The following SNN variants were observed in gnomAD, a reference collection of about 807,000 sequenced individuals.
The protein encoded by SNN is stannin.
SNN carries 5 observed loss-of-function variants against 5.3 expected under a neutral mutation model. The observed-to-expected ratio is 0.94, with a 90% CI of 0.49 to 1.97. The LOEUF (loss-of-function observed/expected upper bound fraction) is 1.97, where lower values mean the gene tolerates loss of function less well. SNN is among the 30% of genes most tolerant of loss of function. The pLI, the probability that SNN is intolerant of heterozygous loss-of-function variation, is 0.01. For synonymous variants in SNN, 67 were observed against 52.1 expected (o/e 1.29, Z -1.24); for missense variants, 127 against 121.6 (o/e 1.04, Z -0.21).
At chr16:11,673,536 G>A (rs8191300) in intron 1 of SNN, among the ~76,000 whole-genome samples, 3 of 152,174 alleles carry the variant, frequency 2.0e-5, no homozygotes, top group Admixed American at 6.5e-5. Context: ...CCCTGTGCAC[G>A]ATAGGTGCCA....
At position 11,678,510 on chromosome 16, in the gene SNN, T is replaced by G. The variant is rs921852152; in HGVS notation, c.*2184T>G. ...TGGCCTGGGGTTTTGACCTTGCCAG[T>G]GAAGTTTCGGTTTTGAAGTGATTAA... On this transcript the variant is annotated 3_prime_UTR_variant, in exon 2 of 2. Transcript: ENST00000329565. The G allele has an allele frequency of 1.8e-5, 3 of 167,108 alleles. No individual in the cohort carries two copies. Among genetic ancestry groups the G allele is most frequent in the Admixed American group, 1.3e-4 (2 of 15,280 alleles). 10.4% of individuals were successfully genotyped at this position (167,108 alleles called of 1,614,324 possible).
chr16:11,674,973 G>A lies in SNN; in HGVS notation c.-85-1002G>A, dbSNP rs8191317. On this transcript the variant is annotated intron_variant, in intron 1 of 1. Transcript: ENST00000329565. ...TCTGTCTCACCCTCCCTGCCTCCCC[G>A]AAGCTTTCCCAAGTGCCTGTCTCCA... Among the ~76,000 whole-genome samples, 312 of 152,216 alleles carry A rather than the reference G, an allele frequency of 2.0e-3. 2 individuals carry two copies. The highest frequency in any genetic ancestry group is 7.0e-3 in the African/African-American group (289 of 41,524).
chr16:11,675,258 CTTTTTTTT>C (rs769141223), intron 1 of SNN, among the ~76,000 whole-genome samples: 3 of 125,312 alleles, frequency 2.4e-5, no homozygotes, highest in African/African-American at 5.9e-5. Flanking sequence ...TTTTTTTTTT[CTTTTTTTT>C]TTTTTTTTTT....
chr16:11,672,627 G>T lies in SNN; in HGVS notation c.-85-3348G>T, dbSNP rs2050272907. Reference sequence around the variant, plus strand: ...CATTTGCTGAGTGAATGAAGGAACAGATACGCACTCGGGAGGGCCGGACCA... The same window carrying T: ...CATTTGCTGAGTGAATGAAGGAACATATACGCACTCGGGAGGGCCGGACCA... On this transcript the variant is annotated intron_variant, in intron 1 of 1. Transcript: ENST00000329565. This position sits in a 1 kb window ranked among gnomAD's most constrained non-coding sequence, Gnocchi z 6.0. Among the ~76,000 whole-genome samples, 1 of 152,218 alleles carries T rather than the reference G, an allele frequency of 6.6e-6. No individual in the cohort carries two copies. Among genetic ancestry groups the T allele is most frequent in the African/African-American group, 2.4e-5 (1 of 41,454 alleles).
chr16:11,673,754 G>A (rs769269002), intron 1 of SNN, among the ~76,000 whole-genome samples: 5 of 152,196 alleles, frequency 3.3e-5, no homozygotes, highest in African/African-American at 4.8e-5. Context: ...GGTTCGTTGC[G>A]GGGGTCAGCG....
At chr16:11,670,940 C>T (rs2050262556) in intron 1 of SNN, among the ~76,000 whole-genome samples, 1 of 152,152 alleles carries the variant, frequency 6.6e-6, no homozygotes, top group Non-Finnish European at 1.5e-5. Context: ...CCGGCTCTGC[C>T]CCCATGCTCC....
intron 1 of SNN, among the ~76,000 whole-genome samples, chr16:11,669,622 T>A (rs1283552785): frequency 6.6e-6 from 1 of 152,248 alleles, no homozygotes; most frequent in African/African-American, 2.4e-5. Context: ...GTGAGCTGTT[T>A]ATCTCAGTGT....
rs904095503 is a variant in SNN at position 11,678,887 on chromosome 16, C to T, written c.*2561C>T. 1 of 326,798 alleles carries T rather than the reference C, an allele frequency of 3.1e-6. No individual in the cohort carries two copies. The allele number at this position is 326,798 out of a possible 1,614,324, so 20.2% of individuals were successfully genotyped here. A position where few individuals can be genotyped will look rare whatever the true frequency, so the allele number is the denominator to read the frequency against. ...AATAAGAAATTAAGCATTCATCCTTCGTATCACTGCAGAAGCAACAGTGGG... is the reference window on the plus strand; with the variant it reads ...AATAAGAAATTAAGCATTCATCCTTTGTATCACTGCAGAAGCAACAGTGGG... On this transcript the variant is annotated 3_prime_UTR_variant, in exon 2 of 2. Coordinates refer to ENST00000329565, the MANE Select transcript of SNN (RefSeq NM_003498.6).
chr16:11,676,305 C>T lies in SNN; in HGVS notation c.246C>T (p.Asn82=), dbSNP rs770903989. The change falls in exon 2 of 2, where the codon AAC becomes AAT. Residue 82 remains asparagine, a synonymous_variant. Coordinates refer to ENST00000329565, the MANE Select transcript of SNN (RefSeq NM_003498.6). ...VERKAKLMTP[N]GPEVHG Reference sequence around the variant, plus strand: ...GAAAGGCCAAGCTGATGACTCCCAACGGCCCGGAAGTCCACGGCTGAGCCA... The same window carrying T: ...GAAAGGCCAAGCTGATGACTCCCAATGGCCCGGAAGTCCACGGCTGAGCCA... 29 of 1,613,722 alleles carry T rather than the reference C, an allele frequency of 1.8e-5. No individual in the cohort carries two copies. Among genetic ancestry groups the T allele is most frequent in the Non-Finnish European group, 2.2e-5 (26 of 1,179,764 alleles).
intron 1 of SNN, among the ~76,000 whole-genome samples, chr16:11,674,786 G>A (rs1031582563): frequency 1.3e-5 from 2 of 152,150 alleles, no homozygotes; most frequent in Non-Finnish European, 1.5e-5. Flanking sequence ...CATCAGCACC[G>A]CCTCCCTGCC....
In SNN at chr16:11,676,085, C is replaced by A; in HGVS notation, c.26C>A (p.Thr9Asn). ...ATGTCTATTATGGACCACAGCCCCA[C>A]CACGGGCGTGGTCACAGTCATCGTC... MSIMDHSP[T>N]TGVVTVIVIL... The change falls in exon 2 of 2, where the codon ACC becomes AAC. Residue 9 changes from threonine (T) to asparagine (N), a missense_variant. Physicochemically the swap from Thr to Asn is moderately conservative, Grantham distance 65. Transcript: ENST00000329565. 1 of 1,611,130 alleles carries A rather than the reference C, an allele frequency of 6.2e-7. No homozygotes were observed. The highest frequency in any genetic ancestry group is 8.5e-7 in the Non-Finnish European group (1 of 1,177,940).
intron 1 of SNN, among the ~76,000 whole-genome samples, chr16:11,670,287 C>T (rs894320238): frequency 1.3e-5 from 2 of 152,078 alleles, no homozygotes; most frequent in African/African-American, 2.4e-5. Flanking sequence ...GCCCTCCTGG[C>T]GTCTGTCAAG....
rs1207907617 is a variant in SNN, at chr16:11,672,191, G to A, written c.-86+3651G>A. 6.6e-6 allele frequency among the ~76,000 whole-genome samples: 1 copy of A among 152,218 alleles called. No individual in the cohort carries two copies. The highest frequency in any genetic ancestry group is 1.5e-5 in the Non-Finnish European group (1 of 68,044). On this transcript the variant is annotated intron_variant, in intron 1 of 1. Transcript: ENST00000329565. This position sits in a 1 kb window ranked among gnomAD's most constrained non-coding sequence, Gnocchi z 6.0. ...TGAGCACCTACTGTGTACCCGTGCAGGGCAGGGGTACAGCTGTGGGCGGGA... is the reference window on the plus strand; with the variant it reads ...TGAGCACCTACTGTGTACCCGTGCAAGGCAGGGGTACAGCTGTGGGCGGGA...
rs773943404 is a variant in SNN, at chr16:11,676,128, G to T, written c.69G>T (p.Ala23=). The T allele has an allele frequency of 6.2e-7, 1 of 1,614,120 alleles. No individual in the cohort carries two copies. ...TCATCGTCATCCTCATTGCCATCGCGGCCCTGGGGGCCTTGATCCTGGGCT... is the reference window on the plus strand; with the variant it reads ...TCATCGTCATCCTCATTGCCATCGCTGCCCTGGGGGCCTTGATCCTGGGCT... ...VTVIVILIAI[A]ALGALILGCW... The change falls in exon 2 of 2, where the codon GCG becomes GCT. Residue 23 remains alanine, a synonymous_variant. Coordinates refer to ENST00000329565, the MANE Select transcript of SNN (RefSeq NM_003498.6).
Position 11,676,116 on chromosome 16 carries a change from C to G in SNN, c.57C>G (p.Leu19=). ...GCGTGGTCACAGTCATCGTCATCCT[C>G]ATTGCCATCGCGGCCCTGGGGGCCT... ...TTGVVTVIVI[L]IAIAALGALI... is the part of the protein sequence containing the mutation. The change falls in exon 2 of 2, where the codon CTC becomes CTG. Residue 19 remains leucine, a synonymous_variant. Transcript: ENST00000329565. The G allele has an allele frequency of 6.2e-7, 1 of 1,614,108 alleles. No individual in the cohort carries two copies. The highest frequency in any genetic ancestry group is 8.5e-7 in the Non-Finnish European group (1 of 1,179,974).
In SNN at chr16:11,676,072, G is replaced by A; in HGVS notation, c.13G>A (p.Asp5Asn). The change falls in exon 2 of 2, where the codon GAC (aspartate) becomes AAC (asparagine). Residue 5 changes from aspartate (D) to asparagine (N), a missense_variant. By Grantham distance (23) the Asp-to-Asn change is conservative (BLOSUM62 1). Coordinates refer to ENST00000329565, the MANE Select transcript of SNN (RefSeq NM_003498.6). ...CCCAGCACTGACCATGTCTATTATG[G>A]ACCACAGCCCCACCACGGGCGTGGT... is the stretch of plus-strand genomic sequence containing the variant. MSIMDHSPTTGVVTV... is the reference protein window; with the variant it reads MSIMNHSPTTGVVTV... 4 of 1,606,348 alleles carry A rather than the reference G, an allele frequency of 2.5e-6. No individual in the cohort carries two copies. Among genetic ancestry groups the A allele is most frequent in the Non-Finnish European group, 3.4e-6 (4 of 1,175,154 alleles).
At chr16:11,669,793 T>C (rs1334086478) in intron 1 of SNN, among the ~76,000 whole-genome samples, 3 of 152,186 alleles carry the variant, frequency 2.0e-5, no homozygotes, top group South Asian at 2.1e-4. Flanking sequence ...CCGACTGACC[T>C]TGGGGCAGTC....
chr16:11,669,751 G>T (rs142024296), intron 1 of SNN, among the ~76,000 whole-genome samples: 1 of 152,210 alleles, frequency 6.6e-6, no homozygotes, highest in South Asian at 2.1e-4. Flanking sequence ...CAGGGTGGGG[G>T]CATGAGCCTC....
intron 1 of SNN, among the ~76,000 whole-genome samples, chr16:11,674,035 C>T (rs1177451985): frequency 2.0e-4 from 31 of 152,244 alleles, no homozygotes; most frequent in Admixed American, 2.0e-3. Flanking sequence ...TGCCTTTGTC[C>T]TTCAGGCAAA....
Sources: allele counts gnomAD v4.1 joint callset (sites outside exome capture counted in the v4.1 genomes callset), GRCh38; gene constraint gnomAD v4.1.1; non-coding constraint Gnocchi (gnomAD v3.1); transcripts MANE v1.5; gene names NCBI Gene and HGNC (gene_info 2026-07-23, HGNC 2026-07-21).